The following WDR1 variants were observed in gnomAD, a reference collection of about 807,000 sequenced individuals.
The protein encoded by WDR1 is WD repeat-containing protein 1.
A neutral mutation model predicts 71.9 loss-of-function variants in WDR1; 21 were observed. The ratio of observed to expected loss-of-function variants is 0.29; its 90% CI spans 0.21 to 0.42. WDR1 has a LOEUF of 0.42. Among genes scored for constraint, WDR1 ranks in the 10% least tolerant of loss-of-function variants. The probability of loss-of-function intolerance (pLI) is 1.00; values close to 1 mark genes in which losing one functional copy is unlikely to be tolerated. For synonymous variants in WDR1, 424 were observed against 347.4 expected, an observed-to-expected ratio of 1.22 and a Z score of -2.45; for missense variants, 696 against 824.5, an observed-to-expected ratio of 0.84 and a Z score of 1.91.
Position 10,098,984 on chromosome 4 carries a change from T to A in WDR1, c.377+8A>T, listed in dbSNP as rs747923318. Reference sequence around the variant, plus strand: ...CAGGGCAGGGAGGGGCTGAGAGGAGTGACTCACTTCTCCCTTCCTTCCCCG... The same window carrying A: ...CAGGGCAGGGAGGGGCTGAGAGGAGAGACTCACTTCTCCCTTCCTTCCCCG... On this transcript the variant is annotated splice_region_variant and intron_variant, in intron 4 of 14. Coordinates refer to ENST00000499869, the MANE Select transcript of WDR1 (RefSeq NM_017491.5). 1 of 1,613,544 alleles carries A rather than the reference T, an allele frequency of 6.2e-7. No homozygotes were observed. The highest frequency in any genetic ancestry group is 8.5e-7 in the Non-Finnish European group (1 of 1,179,750).
At chr4:10,110,052 G>A (rs1019671335) in intron 2 of WDR1, among the ~76,000 whole-genome samples, 5 of 147,060 alleles carry the variant, frequency 3.4e-5, no homozygotes, top group Non-Finnish European at 6.0e-5. Context: ...ACTCAACAAA[G>A]AACAGAGAGG....
intron 2 of WDR1, 156 bp downstream of exon 2, chr4:10,115,957 T>G (rs778502437): frequency 2.9e-5 from 29 of 1,002,718 alleles, no homozygotes; most frequent in Non-Finnish European, 4.2e-5. Flanking sequence ...GAGGCCGGCT[T>G]CCGGGGCTCC....
intron 2 of WDR1, among the ~76,000 whole-genome samples, chr4:10,107,796 G>A (rs1268388393): frequency 1.3e-5 from 2 of 152,182 alleles, no homozygotes; most frequent in African/African-American, 2.4e-5. Flanking sequence ...TCACACACGC[G>A]AGCAGACCCA....
chr4:10,105,361 T>C (rs1355065337), intron 2 of WDR1, among the ~76,000 whole-genome samples: 3 of 152,186 alleles, frequency 2.0e-5, no homozygotes, highest in Admixed American at 2.0e-4. Context: ...ACACAGACCT[T>C]CTCTTTCATC....
At chr4:10,097,918 C>CAAAAAAAA in intron 4 of WDR1, 27 bp from the exon 5 acceptor site, 1 of 1,209,930 alleles carries the variant, frequency 8.3e-7, no homozygotes, top group Non-Finnish European at 1.0e-6. Context: ...AGGTGGAAGA[C>CAAAAAAAA]AAAAAAAAAA....
intron 8 of WDR1, among the ~76,000 whole-genome samples, chr4:10,087,433 G>C (rs1711657241): frequency 6.6e-6 from 1 of 152,242 alleles, no homozygotes; most frequent in African/African-American, 2.4e-5. Flanking sequence ...AGCTGGGGGT[G>C]ATGGCCACTG....
intron 2 of WDR1, among the ~76,000 whole-genome samples, chr4:10,112,578 C>T (rs1713451813): frequency 6.6e-6 from 1 of 152,176 alleles, no homozygotes; most frequent in Admixed American, 6.5e-5. Flanking sequence ...GTTCACAAAA[C>T]AGCTTTTAAG....
chr4:10,104,347 G>A (rs1407841984), intron 2 of WDR1, among the ~76,000 whole-genome samples: 6 of 152,176 alleles, frequency 3.9e-5, no homozygotes, highest in Non-Finnish European at 7.3e-5. Flanking sequence ...CCTCCCATTT[G>A]TGGGAAGCTG....
intron 4 of WDR1, among the ~76,000 whole-genome samples, chr4:10,098,398 A>G (rs1712484968): frequency 6.6e-6 from 1 of 152,246 alleles, no homozygotes; most frequent in Non-Finnish European, 1.5e-5. Flanking sequence ...TCAGTGAAGA[A>G]CAGACATGCC....
intron 5 of WDR1, among the ~76,000 whole-genome samples, chr4:10,094,062 G>A (rs1290895243): frequency 6.6e-6 from 1 of 152,194 alleles, no homozygotes; most frequent in South Asian, 2.1e-4. Flanking sequence ...TGGAACAGAG[G>A]GAGCAGTGGC....
At chr4:10,092,977 G>A in intron 5 of WDR1, 1 of 1,059,434 alleles carries the variant, frequency 9.4e-7, no homozygotes, top group South Asian at 1.3e-5. Flanking sequence ...AGCCAAGACT[G>A]ACCTGTATCA....
Position 10,092,837 on chromosome 4 carries a change from G to A in WDR1, c.559-4096C>T, listed in dbSNP as rs576937331. On this transcript the variant is annotated intron_variant, in intron 5 of 14. Transcript: ENST00000499869. ...GCAGCTTCCTGAGGCTGCCCTCACC[G>A]GCCCCCTGCCTCTGCCCCACCCCAG... is the stretch of plus-strand genomic sequence containing the variant. The A allele has an allele frequency of 9.1e-5, 33 of 364,626 alleles. No individual in the cohort carries two copies. The East Asian group carries it at 1.9e-3, about 21-fold the overall frequency. 22.6% of individuals were successfully genotyped at this position (364,626 alleles called of 1,614,324 possible).
chr4:10,088,774 G>T, intron 5 of WDR1, 33 bp from the exon 6 acceptor site: 1 of 1,520,842 alleles, frequency 6.6e-7, no homozygotes, highest in South Asian at 1.2e-5. Flanking sequence ...CTGATGAGGG[G>T]CCGCAGGCCT....
chr4:10,116,527 G>T, intron 1 of WDR1, 124 bp downstream of exon 1: 1 of 782,830 alleles, frequency 1.3e-6, no homozygotes, highest in Non-Finnish European at 1.6e-6. Flanking sequence ...CACGCCTCCG[G>T]CCGGCGCCCG....
At chr4:10,093,651 T>C (rs758270634) in intron 5 of WDR1, among the ~76,000 whole-genome samples, 17 of 152,206 alleles carry the variant, frequency 1.1e-4, no homozygotes, top group Admixed American at 2.0e-4. Flanking sequence ...GGGCACCTAC[T>C]GGCCATGTGA....
chr4:10,083,222 G>T, intron 9 of WDR1, 44 bp from the exon 10 acceptor site: 1 of 1,586,656 alleles, frequency 6.3e-7, no homozygotes, highest in Non-Finnish European at 8.6e-7. Context: ...GGACTGCTGG[G>T]TGTTCTCAGG....
At chr4:10,087,013 G>C (rs970232754) in intron 8 of WDR1, among the ~76,000 whole-genome samples, 1 of 145,824 alleles carries the variant, frequency 6.9e-6, no homozygotes, top group Non-Finnish European at 1.6e-5. Context: ...GAGAAGGCAG[G>C]ACCCCCCCAG....
chr4:10,086,435 T>C (rs188897344), intron 8 of WDR1, among the ~76,000 whole-genome samples: 3 of 152,290 alleles, frequency 2.0e-5, no homozygotes, highest in Non-Finnish European at 4.4e-5. Flanking sequence ...TGCATGAGCG[T>C]TGAGGTGACC....
chr4:10,077,468 A>G lies in WDR1; in HGVS notation c.1570-20T>C. The G allele has an allele frequency of 1.2e-6, 2 of 1,613,856 alleles. No individual in the cohort carries two copies. Among genetic ancestry groups the G allele is most frequent in the African/African-American group, 1.3e-5 (1 of 75,046 alleles). ...GTTCTCCTAGTTGCAGGTTGAAAAC[A>G]AGAGAGGTGGCAGGTCAGGTTCAGG... On this transcript the variant is annotated intron_variant, in intron 13 of 14. Transcript: ENST00000499869.
Sources: gnomAD v4.1 joint callset for allele counts (sites outside exome capture counted in the v4.1 genomes callset) on GRCh38, gnomAD v4.1.1 for gene constraint, MANE v1.5 for transcripts, NCBI Gene and HGNC (gene_info 2026-07-23, HGNC 2026-07-21) for gene names.